The following NCALD variants were observed in gnomAD, a reference collection of about 807,000 sequenced individuals.
NCALD encodes the protein neurocalcin-delta.
In NCALD, 10 loss-of-function variants were observed where a neutral mutation model predicts 18.6. The ratio of observed to expected loss-of-function variants is 0.54; its 90% confidence interval spans 0.33 to 0.91. The LOEUF (loss-of-function observed/expected upper bound fraction) is 0.91. Among genes scored for constraint, NCALD ranks in the 40% least tolerant of loss-of-function variants. The pLI is 0.03. For synonymous variants in NCALD, 88 were observed against 87.4 expected (o/e 1.01, Z -0.04); for missense variants, 184 against 247.6 (o/e 0.74, Z 1.72).
At chr8:101,757,765 T>C (rs931733519) in intron 1 of NCALD, among the ~76,000 whole-genome samples, 2 of 152,192 alleles carry the variant, frequency 1.3e-5, no homozygotes, top group Non-Finnish European at 2.9e-5. Flanking sequence ...CCTTCATTTA[T>C]ACCTAGCAAA....
At chr8:101,875,860 A>G (rs533429693) in intron 4 of NCALD, among the ~76,000 whole-genome samples, 4 of 152,342 alleles carry the variant, frequency 2.6e-5, no homozygotes, top group Non-Finnish European at 4.4e-5. Flanking sequence ...GACATCAATC[A>G]CTGGATAACA....
chr8:101,728,586 C>G (rs997941999), intron 1 of NCALD, among the ~76,000 whole-genome samples: 4 of 152,092 alleles, frequency 2.6e-5, no homozygotes, highest in Non-Finnish European at 5.9e-5. Context: ...TTTGGGAGGC[C>G]GAGGTGGGCA....
chr8:101,921,028 C>A (rs1052585531), intron 2 of NCALD, among the ~76,000 whole-genome samples: 2 of 152,042 alleles, frequency 1.3e-5, no homozygotes, highest in Non-Finnish European at 1.5e-5. Flanking sequence ...AGTTAGCCTG[C>A]GAAAGGACTA....
chr8:101,913,875 C>A (rs1817886325), intron 3 of NCALD, among the ~76,000 whole-genome samples: 1 of 152,184 alleles, frequency 6.6e-6, no homozygotes, highest in African/African-American at 2.4e-5. Context: ...AGACACTGCG[C>A]CTGGCCTACT....
chr8:101,979,705 A>G (rs1353365624), intron 2 of NCALD, among the ~76,000 whole-genome samples: 1 of 152,254 alleles, frequency 6.6e-6, no homozygotes, highest in Non-Finnish European at 1.5e-5. Context: ...GAATGCTGAA[A>G]GAAGTGTGAT....
chr8:102,062,381 T>C (rs1219618480), intron 1 of NCALD, among the ~76,000 whole-genome samples: 2 of 152,146 alleles, frequency 1.3e-5, no homozygotes, highest in East Asian at 3.8e-4. Context: ...ATCAGATAAA[T>C]AGTCAAGCAA....
chr8:102,051,904 A>G (rs1375034559), intron 1 of NCALD, among the ~76,000 whole-genome samples: 1 of 152,264 alleles, frequency 6.6e-6, no homozygotes, highest in East Asian at 1.9e-4. Context: ...AACAATAACA[A>G]GGAACTATGC....
chr8:102,022,827 A>G (rs568405113), intron 1 of NCALD, among the ~76,000 whole-genome samples: 5 of 152,246 alleles, frequency 3.3e-5, no homozygotes, highest in Admixed American at 1.3e-4. Flanking sequence ...TTCCCGAGAA[A>G]GAGGCTTCCA....
chr8:102,083,626 C>G (rs1290561795), intron 1 of NCALD, among the ~76,000 whole-genome samples: 1 of 152,196 alleles, frequency 6.6e-6, no homozygotes, highest in Non-Finnish European at 1.5e-5. Flanking sequence ...TCCCTATCCC[C>G]TCCCAGTCTC....
chr8:101,740,822 T>G (rs1763514001), intron 1 of NCALD, among the ~76,000 whole-genome samples: 1 of 152,194 alleles, frequency 6.6e-6, no homozygotes, highest in African/African-American at 2.4e-5. Context: ...CTGGGTTTAC[T>G]CACATACCAT....
At chr8:101,896,668 A>G (rs1479879067) in intron 3 of NCALD, among the ~76,000 whole-genome samples, 3 of 151,402 alleles carry the variant, frequency 2.0e-5, no homozygotes, top group Non-Finnish European at 4.4e-5. Context: ...CAAATTTACA[A>G]CAGAAAAACA....
At chr8:101,712,338 A>C (rs1171594638) in intron 2 of NCALD, among the ~76,000 whole-genome samples, 1 of 152,196 alleles carries the variant, frequency 6.6e-6, no homozygotes, top group Non-Finnish European at 1.5e-5. Context: ...CACTATGAAG[A>C]AACTTCATCA....
rs560852984 is a variant in NCALD at position 101,849,745 on chromosome 8, T to C, written c.-20+37396A>G. 6.6e-5 allele frequency among the ~76,000 whole-genome samples: 10 copies of C among 152,246 alleles called. No individual in the cohort carries two copies. The East Asian group carries it at 1.9e-3, about 29-fold the overall frequency. ...TTCCATAAATCTGCCCTGAACAGAA[T>C]TACGAGCAAGCAGAGACAAGCTAGC... On this transcript the variant is annotated intron_variant, in intron 4 of 6. Transcript: ENST00000311028.
chr8:101,966,018 C>G (rs751835821), intron 2 of NCALD, among the ~76,000 whole-genome samples: 2 of 151,964 alleles, frequency 1.3e-5, no homozygotes, highest in South Asian at 2.1e-4. Flanking sequence ...TAGGAACATT[C>G]TTGCCATGAT....
At chr8:102,074,360 G>A (rs151324805) in intron 1 of NCALD, among the ~76,000 whole-genome samples, 2 of 152,274 alleles carry the variant, frequency 1.3e-5, no homozygotes, top group African/African-American at 4.8e-5. Context: ...GGCACCAGAA[G>A]TACAGTCTGG....
intron 1 of NCALD, among the ~76,000 whole-genome samples, chr8:102,024,161 T>C (rs10102923): frequency 0.16 from 23,963 of 152,200 alleles, 2,561 homozygotes; most frequent in African/African-American, 0.3. Flanking sequence ...CTAATTGTAA[T>C]ATTTAACTGT....
At position 101,928,504 on chromosome 8, in the gene NCALD, A is replaced by T. The variant is rs188908559; in HGVS notation, c.-156-12646T>A. 2.4e-3 allele frequency among the ~76,000 whole-genome samples: 363 copies of T among 152,130 alleles called. 4 individuals are homozygous for T. Among genetic ancestry groups the T allele is most frequent in the African/African-American group, 7.9e-3 (329 of 41,470 alleles). ...TATATACCAACTCCACACATTAACC[A>T]TTATGAACATCAGAGATTCCATGAT... On this transcript the variant is annotated intron_variant, in intron 2 of 6. Coordinates refer to the NCALD transcript ENST00000311028.
At chr8:101,836,252 A>C (rs1814408447) in intron 4 of NCALD, among the ~76,000 whole-genome samples, 1 of 152,226 alleles carries the variant, frequency 6.6e-6, no homozygotes, top group Non-Finnish European at 1.5e-5. Flanking sequence ...CAGAAGCTTA[A>C]CTTGGAAACT....
At chr8:101,984,238 A>G (rs1820723442) in intron 2 of NCALD, among the ~76,000 whole-genome samples, 2 of 152,250 alleles carry the variant, frequency 1.3e-5, no homozygotes, top group Non-Finnish European at 2.9e-5. Context: ...AAAATATTAT[A>G]TACCACAATT....
Sources: allele counts gnomAD v4.1 joint callset (sites outside exome capture counted in the v4.1 genomes callset), GRCh38; gene constraint gnomAD v4.1.1; transcripts MANE v1.5; gene names NCBI Gene and HGNC (gene_info 2026-07-23, HGNC 2026-07-21).